The following FGF12 variants were observed in gnomAD, a reference collection of about 807,000 sequenced individuals.
FGF12 encodes the protein fibroblast growth factor 12.
A neutral mutation model predicts 23.6 loss-of-function variants in FGF12; 14 were observed. The observed-to-expected ratio is 0.59, with a 90% CI of 0.39 to 0.93. FGF12 has a LOEUF of 0.93. Among genes scored for constraint, FGF12 ranks in the 40% least tolerant of loss-of-function variants. The pLI is 0.00. For missense variants in FGF12, 175 were observed against 217.8 expected (o/e 0.80, Z 1.24); for synonymous variants, 62 against 77.3 (o/e 0.80, Z 1.04).
At chr3:192,222,084 A>T (rs966186837) in intron 4 of FGF12, among the ~76,000 whole-genome samples, 1 of 152,136 alleles carries the variant, frequency 6.6e-6, no homozygotes, top group African/African-American at 2.4e-5. Context: ...CCATAAATCA[A>T]ATCTAGAGAG....
chr3:192,376,472 C>A (rs993777016), intron 2 of FGF12, among the ~76,000 whole-genome samples: 1 of 152,042 alleles, frequency 6.6e-6, no homozygotes, highest in East Asian at 1.9e-4. Flanking sequence ...AAACAATTCT[C>A]CTGCCTCAGC....
At chr3:192,215,660 G>T (rs1457855556) in intron 4 of FGF12, among the ~76,000 whole-genome samples, 2 of 152,108 alleles carry the variant, frequency 1.3e-5, no homozygotes, top group Non-Finnish European at 2.9e-5. Context: ...AGTTCTCATT[G>T]TCTCTCCAAA....
intron 4 of FGF12, among the ~76,000 whole-genome samples, chr3:192,199,241 T>C (rs1006144498): frequency 2.6e-5 from 4 of 152,224 alleles, no homozygotes; most frequent in African/African-American, 9.6e-5. Flanking sequence ...TAAGAGCCTA[T>C]GAGCCTAAAA....
At chr3:192,549,913 C>T (rs1367956336) in intron 2 of FGF12, among the ~76,000 whole-genome samples, 1 of 152,106 alleles carries the variant, frequency 6.6e-6, no homozygotes, top group Non-Finnish European at 1.5e-5. Flanking sequence ...AGCTACACAA[C>T]AGCTTTCTTA....
chr3:192,225,605 T>TTA (rs920356483), intron 4 of FGF12, among the ~76,000 whole-genome samples: 7 of 151,922 alleles, frequency 4.6e-5, no homozygotes, highest in African/African-American at 7.3e-5. Context: ...TACTCCTACT[T>TTA]TATATATATA....
At position 192,142,400 on chromosome 3, in the gene FGF12, T is replaced by C. The variant is rs1713446257; in HGVS notation, c.*1609A>G. 6.6e-6 allele frequency: 1 copy of C among 152,558 alleles called. No homozygotes were observed. The highest frequency in any genetic ancestry group is 2.4e-5 in the African/African-American group (1 of 41,466). The allele number at this position is 152,558 out of a possible 1,614,324, so 9.5% of individuals were successfully genotyped here. ...AGGGAGTCATATTTGGAACAATACA[T>C]GCTGGACAGTAGAGATATAGGAGAA... On this transcript the variant is annotated 3_prime_UTR_variant, in exon 6 of 6. Coordinates refer to ENST00000445105, the MANE Select transcript of FGF12 (RefSeq NM_004113.6).
intron 2 of FGF12, among the ~76,000 whole-genome samples, chr3:192,499,512 A>ATTT (rs1724062445): frequency 2.3e-5 from 1 of 44,050 alleles, no homozygotes. Context: ...ATATATATAT[A>ATTT]TATATTTTTT....
chr3:192,304,071 T>C (rs932291128), intron 4 of FGF12, among the ~76,000 whole-genome samples: 1 of 152,166 alleles, frequency 6.6e-6, no homozygotes, highest in African/African-American at 2.4e-5. Context: ...CACTCAAAAA[T>C]GTTAACTAAC....
At chr3:192,717,618 G>GA (rs1017959581) in intron 2 of FGF12, among the ~76,000 whole-genome samples, 12 of 151,664 alleles carry the variant, frequency 7.9e-5, no homozygotes, top group Admixed American at 2.0e-4. Flanking sequence ...TGCTTTATGG[G>GA]AAAAAAACTG....
At chr3:192,616,039 A>C (rs1341017258) in intron 2 of FGF12, among the ~76,000 whole-genome samples, 3 of 151,958 alleles carry the variant, frequency 2.0e-5, no homozygotes, top group Admixed American at 2.0e-4. Context: ...ATGCTTACAA[A>C]ATTTTTTTCT....
chr3:192,680,281 C>G (rs1717475826), intron 2 of FGF12, among the ~76,000 whole-genome samples: 1 of 152,080 alleles, frequency 6.6e-6, no homozygotes, highest in African/African-American at 2.4e-5. Context: ...AAGATTAATG[C>G]CATAACCAGG....
intron 2 of FGF12, among the ~76,000 whole-genome samples, chr3:192,554,389 TGGCA>T (rs2108588422): frequency 6.6e-6 from 1 of 152,206 alleles, no homozygotes; most frequent in East Asian, 1.9e-4. Flanking sequence ...AGGCACCTTG[TGGCA>T]GCTCCAAAGA....
intron 2 of FGF12, among the ~76,000 whole-genome samples, chr3:192,655,678 A>G (rs1164437606): frequency 6.6e-6 from 1 of 152,214 alleles, no homozygotes. Context: ...GATTAGGACT[A>G]TATTTTGAAA....
At chr3:192,666,533 G>A (rs1202242912) in intron 2 of FGF12, among the ~76,000 whole-genome samples, 4 of 152,148 alleles carry the variant, frequency 2.6e-5, no homozygotes, top group Admixed American at 6.6e-5. Context: ...ATGAAACACA[G>A]GGCTCACCTA....
At chr3:192,253,976 G>T (rs146087024) in intron 4 of FGF12, among the ~76,000 whole-genome samples, 1 of 152,008 alleles carries the variant, frequency 6.6e-6, no homozygotes, top group African/African-American at 2.4e-5. Context: ...ATACATTGTT[G>T]AATGGCTAAA....
At chr3:192,658,952 T>C (rs895644097) in intron 2 of FGF12, among the ~76,000 whole-genome samples, 8 of 152,156 alleles carry the variant, frequency 5.3e-5, no homozygotes, top group African/African-American at 1.9e-4. Context: ...AGGTAAGTCA[T>C]ACATGGCCCC....
chr3:192,529,424 G>A (rs1453233702), intron 2 of FGF12, among the ~76,000 whole-genome samples: 6 of 152,160 alleles, frequency 3.9e-5, no homozygotes, highest in Non-Finnish European at 7.4e-5. Context: ...AAAGCCATTT[G>A]ACAAGTCTCT....
At chr3:192,205,256 C>G (rs1052349266) in intron 4 of FGF12, among the ~76,000 whole-genome samples, 1 of 152,156 alleles carries the variant, frequency 6.6e-6, no homozygotes, top group African/African-American at 2.4e-5. Context: ...CTTATCCACC[C>G]CACATTCTAA....
chr3:192,646,978 G>T (rs1236765591), intron 2 of FGF12, among the ~76,000 whole-genome samples: 1 of 152,060 alleles, frequency 6.6e-6, no homozygotes, highest in African/African-American at 2.4e-5. Flanking sequence ...AGCTTGCTTA[G>T]GTAGGATTTT....
Sources: gnomAD v4.1 joint callset for allele counts (sites outside exome capture counted in the v4.1 genomes callset) on GRCh38, gnomAD v4.1.1 for gene constraint, MANE v1.5 for transcripts, NCBI Gene and HGNC (gene_info 2026-07-23, HGNC 2026-07-21) for gene names.